RXRA: variants seen among roughly 807,000 people sequenced by gnomAD.
RXRA encodes retinoid X receptor alpha.
In RXRA, 5 loss-of-function variants were observed where a neutral mutation model predicts 44.5. That is an observed-to-expected ratio of 0.11 (90% CI 0.06 to 0.24). The LOEUF is 0.24. Among genes scored for constraint, RXRA ranks in the 10% least tolerant of loss-of-function variants. The probability of loss-of-function intolerance (pLI) is 1.00; values close to 1 mark genes in which losing one functional copy is unlikely to be tolerated. For synonymous variants in RXRA, 291 were observed against 271.4 expected (o/e 1.07, Z -0.71); for missense variants, 412 against 646.5 (o/e 0.64, Z 3.93).
rs966565803 is a variant in RXRA, at chr9:134,433,713, T to C, written c.1136-389T>C. On this transcript the variant is annotated intron_variant, in intron 8 of 9. Transcript: ENST00000481739. This position sits in a 1 kb window ranked among gnomAD's most constrained non-coding sequence, Gnocchi z 4.2. ...GCAGCGCTATCTCCCATCCATGTTA[T>C]GGGGCTGGGACCCAAGGGCAGCAGC... is the stretch of plus-strand genomic sequence containing the variant. 6.6e-6 allele frequency among the ~76,000 whole-genome samples: 1 copy of C among 151,748 alleles called. No homozygotes were observed. Among genetic ancestry groups the C allele is most frequent in the African/African-American group, 2.4e-5 (1 of 41,224 alleles).
intron 1 of RXRA, among the ~76,000 whole-genome samples, chr9:134,335,094 C>T (rs1554747133): frequency 1.3e-5 from 2 of 152,192 alleles, no homozygotes; most frequent in Non-Finnish European, 2.9e-5. Context: ...ACCCCATTGT[C>T]CCCAGGATGG....
intron 1 of RXRA, among the ~76,000 whole-genome samples, chr9:134,340,908 G>T (rs1341814700): frequency 6.6e-6 from 1 of 152,228 alleles, no homozygotes; most frequent in Non-Finnish European, 1.5e-5. Flanking sequence ...CCCTGGAAAG[G>T]CCTCGCAGGA....
chr9:134,375,913 G>C (rs1390833344), intron 1 of RXRA, among the ~76,000 whole-genome samples: 1 of 151,846 alleles, frequency 6.6e-6, no homozygotes, highest in African/African-American at 2.4e-5. Context: ...AGGCCACGTA[G>C]AGAAAACAAG....
chr9:134,395,824 G>C (rs1421744731), intron 1 of RXRA, among the ~76,000 whole-genome samples: 1 of 152,270 alleles, frequency 6.6e-6, no homozygotes, highest in Non-Finnish European at 1.5e-5. Flanking sequence ...CTCAGATGGG[G>C]CTGAGATTTA....
intron 1 of RXRA, among the ~76,000 whole-genome samples, chr9:134,353,647 T>G (rs1329899120): frequency 2.0e-5 from 3 of 152,318 alleles, no homozygotes; most frequent in East Asian, 1.9e-4. Context: ...CTTTTCTGCC[T>G]CCTCCTGCTT....
intron 1 of RXRA, among the ~76,000 whole-genome samples, chr9:134,371,269 A>AC (rs914473815): frequency 4.0e-5 from 6 of 148,460 alleles, no homozygotes; most frequent in East Asian, 3.9e-4. Flanking sequence ...AAGTCCCTTG[A>AC]CCCCCCCAGG....
chr9:134,339,823 G>A (rs1225213095), intron 1 of RXRA, among the ~76,000 whole-genome samples: 8 of 137,532 alleles, frequency 5.8e-5, no homozygotes, highest in Non-Finnish European at 1.3e-4. Context: ...CTCTGTGTGT[G>A]TGTGTGTGTG....
chr9:134,353,518 T>C (rs1298030024), intron 1 of RXRA, among the ~76,000 whole-genome samples: 1 of 152,210 alleles, frequency 6.6e-6, no homozygotes, highest in Non-Finnish European at 1.5e-5. Flanking sequence ...GTCACTTACT[T>C]TCAAAGGCGT....
intron 1 of RXRA, among the ~76,000 whole-genome samples, chr9:134,368,547 G>T (rs1830444526): frequency 1.3e-5 from 2 of 152,178 alleles, no homozygotes; most frequent in East Asian, 3.9e-4. Flanking sequence ...ATGAGTGTGT[G>T]TGTGTGACTG....
chr9:134,396,776 G>C (rs1468975509), intron 1 of RXRA, among the ~76,000 whole-genome samples: 1 of 152,222 alleles, frequency 6.6e-6, no homozygotes, highest in African/African-American at 2.4e-5. Context: ...TGGGGCGCCA[G>C]ATTGGATGGT....
intron 1 of RXRA, among the ~76,000 whole-genome samples, chr9:134,397,452 G>A (rs576908949): frequency 2.6e-5 from 4 of 152,130 alleles, no homozygotes; most frequent in Middle Eastern, 3.4e-3. Context: ...TTTTGCTCCC[G>A]GCCTCCAGGT....
intron 6 of RXRA, chr9:134,425,739 G>A (rs2119196790): frequency 1.0e-6 from 1 of 985,382 alleles, no homozygotes; most frequent in Non-Finnish European, 1.2e-6. Flanking sequence ...GGGTAAGCCA[G>A]GCTGGGCTCT....
chr9:134,347,795 A>G (rs1830172178), intron 1 of RXRA, among the ~76,000 whole-genome samples: 1 of 152,038 alleles, frequency 6.6e-6, no homozygotes, highest in Non-Finnish European at 1.5e-5. Flanking sequence ...AGAGCTGGAC[A>G]TTGAGGTCTG....
rs1210108807 is a variant in RXRA, at chr9:134,409,040, C to T, written c.531C>T (p.Cys177=). ...LTYTCRDNKD[C]LIDKRQRNRC... ...ACACCTGCCGCGACAACAAGGACTG[C>T]CTGATTGACAAGCGGCAGCGGAACC... Residue 177 remains cysteine, a synonymous_variant, in exon 4 of 10, where the codon TGC becomes TGT. Transcript: ENST00000481739. The T allele has an allele frequency of 3.1e-6, 5 of 1,611,956 alleles. No homozygotes were observed. Among genetic ancestry groups the T allele is most frequent in the Admixed American group, 1.7e-5 (1 of 59,846 alleles).
chr9:134,373,361 C>T (rs1830513827), intron 1 of RXRA, among the ~76,000 whole-genome samples: 1 of 152,312 alleles, frequency 6.6e-6, no homozygotes, highest in South Asian at 2.1e-4. Context: ...CTGTCTTTAA[C>T]AGCTCTGTGC....
rs1218698250 is a variant in RXRA at position 134,408,198 on chromosome 9, C to G, written c.329C>G (p.Pro110Arg). 4 of 1,607,176 alleles carry G rather than the reference C, an allele frequency of 2.5e-6. No homozygotes were observed. The highest frequency in any genetic ancestry group is 2.2e-5 in the East Asian group (1 of 44,728). ...AGCAGCAGCGAGGACATCAAGCCCCCCCTGGGCCTCAATGGCGTCCTCAAG... is the reference window on the plus strand; with the variant it reads ...AGCAGCAGCGAGGACATCAAGCCCCGCCTGGGCCTCAATGGCGTCCTCAAG... ...PVSSSEDIKP[P>R]LGLNGVLKVP... Residue 110 changes from proline (P) to arginine (R), a missense_variant, in exon 3 of 10, where the codon CCC (proline) becomes CGC (arginine). Transcript: ENST00000481739.
chr9:134,386,765 C>A (rs1289652764), intron 1 of RXRA, among the ~76,000 whole-genome samples: 1 of 152,136 alleles, frequency 6.6e-6, no homozygotes, highest in African/African-American at 2.4e-5. Context: ...CTGAGGGCTC[C>A]TTTCAGGCCA....
intron 1 of RXRA, among the ~76,000 whole-genome samples, chr9:134,351,524 C>T (rs782130902): frequency 9.2e-5 from 14 of 152,244 alleles, no homozygotes; most frequent in Non-Finnish European, 1.5e-4. Flanking sequence ...CCTCAGGAAA[C>T]GCAATCCCTT....
chr9:134,413,545 A>T (rs532679588), intron 4 of RXRA, among the ~76,000 whole-genome samples: 56 of 152,208 alleles, frequency 3.7e-4, no homozygotes, highest in Non-Finnish European at 2.9e-4. Context: ...AGGAGGCCAG[A>T]ATGGTTTGGT....
Sources: gnomAD v4.1 joint callset for allele counts (sites outside exome capture counted in the v4.1 genomes callset) on GRCh38, gnomAD v4.1.1 for gene constraint, Gnocchi (gnomAD v3.1) non-coding constraint, MANE v1.5 for transcripts, NCBI Gene and HGNC (gene_info 2026-07-23, HGNC 2026-07-21) for gene names.